Variants in CCNY observed in about 807,000 individuals in gnomAD.
CCNY encodes the protein cyclin Y.
Under a neutral mutation model 42.8 loss-of-function variants are expected in CCNY, and 19 were observed. That is an observed-to-expected ratio of 0.44 (90% confidence interval 0.31 to 0.65). CCNY has a LOEUF of 0.65. CCNY is among the 30% of genes least tolerant of loss of function. The probability of loss-of-function intolerance (pLI) is 0.07; values close to 1 mark genes in which losing one functional copy is unlikely to be tolerated. For missense variants in CCNY, 370 were observed against 437.3 expected, an observed-to-expected ratio of 0.85 and a Z score of 1.37; for synonymous variants, 165 against 162.7, an observed-to-expected ratio of 1.01 and a Z score of -0.11.
chr10:35,360,546 TG>T (rs1564381791), intron 1 of CCNY, among the ~76,000 whole-genome samples: 1 of 152,068 alleles, frequency 6.6e-6, no homozygotes, highest in Non-Finnish European at 1.5e-5. Context: ...CCTCCCAAAG[TG>T]CTGGGATTAC....
chr10:35,285,719 A>G (rs1835347394), intron 3 of CCNY, among the ~76,000 whole-genome samples: 3 of 152,288 alleles, frequency 2.0e-5, no homozygotes, highest in Admixed American at 6.5e-5. Context: ...GGCGTGAGCC[A>G]CCACGCCTGG....
Position 35,530,391 on chromosome 10 carries a change from C to A in CCNY, c.579+148C>A. 1.1e-6 allele frequency: 1 copy of A among 927,280 alleles called. No individual in the cohort carries two copies. Among genetic ancestry groups the A allele is most frequent in the Admixed American group, 2.5e-5 (1 of 39,798 alleles). 57.4% of individuals were successfully genotyped at this position (927,280 alleles called of 1,614,324 possible). On this transcript the variant is annotated intron_variant, in intron 7 of 9. Coordinates refer to ENST00000374704, the MANE Select transcript of CCNY (RefSeq NM_145012.6). This position sits in a 1 kb window ranked among gnomAD's most constrained non-coding sequence, Gnocchi z 4.3. ...GCATAAGCTTCAGTGTTGTCGTTCT[C>A]CTGGGAGAATAGAGGATAGATATCC...
chr10:35,377,812 G>A (rs1211737093), intron 1 of CCNY, among the ~76,000 whole-genome samples: 2 of 149,902 alleles, frequency 1.3e-5, no homozygotes, highest in East Asian at 1.9e-4. Context: ...AAAAAATTAA[G>A]TAAGAAGAGT....
At chr10:35,407,598 G>C (rs536503474) in intron 1 of CCNY, among the ~76,000 whole-genome samples, 1 of 152,162 alleles carries the variant, frequency 6.6e-6, no homozygotes. Flanking sequence ...TGGAACCACT[G>C]TCGAGTTTGT....
intron 3 of CCNY, among the ~76,000 whole-genome samples, chr10:35,312,502 G>A (rs1835699308): frequency 6.6e-6 from 1 of 151,812 alleles, no homozygotes; most frequent in Admixed American, 6.6e-5. Flanking sequence ...CCCAATTCAG[G>A]GCACCACATG....
chr10:35,426,520 CTT>C (rs1564406676), intron 1 of CCNY, among the ~76,000 whole-genome samples: 1 of 152,182 alleles, frequency 6.6e-6, no homozygotes, highest in Non-Finnish European at 1.5e-5. Context: ...AGGACAATGA[CTT>C]TGGGTGGCCA....
intron 3 of CCNY, among the ~76,000 whole-genome samples, chr10:35,274,900 T>G (rs895989516): frequency 3.3e-5 from 5 of 152,046 alleles, no homozygotes; most frequent in African/African-American, 7.2e-5. Flanking sequence ...TTAAGACTAC[T>G]GCAGTCTCCC....
At chr10:35,564,422 C>A (rs1358271636) in intron 8 of CCNY, among the ~76,000 whole-genome samples, 1 of 152,170 alleles carries the variant, frequency 6.6e-6, no homozygotes, top group African/African-American at 2.4e-5. Flanking sequence ...CACCCGCCTC[C>A]TTACTGTTCT....
chr10:35,499,807 T>C (rs1840075302), intron 2 of CCNY, among the ~76,000 whole-genome samples: 1 of 152,210 alleles, frequency 6.6e-6, no homozygotes, highest in Admixed American at 6.5e-5. Flanking sequence ...GTGGCCCATG[T>C]AGAAAGGGTT....
chr10:35,453,800 G>A (rs1838971652), intron 1 of CCNY, among the ~76,000 whole-genome samples: 1 of 151,980 alleles, frequency 6.6e-6, no homozygotes, highest in African/African-American at 2.4e-5. Context: ...ATGTTTTACT[G>A]CTATATACAT....
At chr10:35,509,267 T>C (rs1840273965) in intron 3 of CCNY, among the ~76,000 whole-genome samples, 1 of 152,122 alleles carries the variant, frequency 6.6e-6, no homozygotes, top group South Asian at 2.1e-4. Flanking sequence ...CTAAAAGCTG[T>C]ACCCTTTTTT....
At chr10:35,337,843 T>G (rs1414967356) in intron 1 of CCNY, among the ~76,000 whole-genome samples, 1 of 152,142 alleles carries the variant, frequency 6.6e-6, no homozygotes, top group Non-Finnish European at 1.5e-5. Context: ...AAGTCTCAGT[T>G]TTTGCATGGG....
chr10:35,551,852 A>G (rs1300365974), intron 7 of CCNY, among the ~76,000 whole-genome samples: 3 of 152,254 alleles, frequency 2.0e-5, no homozygotes, highest in Admixed American at 6.5e-5. Flanking sequence ...TAGGATGACT[A>G]TTACCAAAAC....
intron 1 of CCNY, among the ~76,000 whole-genome samples, chr10:35,408,279 G>A (rs1837826584): frequency 1.3e-5 from 2 of 152,200 alleles, no homozygotes; most frequent in African/African-American, 2.4e-5. Context: ...GCTGACCTGG[G>A]TCTTCGGCAC....
chr10:35,570,575 T>A lies in CCNY; in HGVS notation c.*1405T>A, dbSNP rs1273336154. The A allele has an allele frequency of 1.3e-5, 2 of 152,274 alleles. No homozygotes were observed. The highest frequency in any genetic ancestry group is 4.8e-5 in the African/African-American group (2 of 41,418). The allele number at this position is 152,274 out of a possible 1,614,324, so 9.4% of individuals were successfully genotyped here. A position where few individuals can be genotyped will look rare whatever the true frequency, so the allele number is the denominator to read the frequency against. On this transcript the variant is annotated 3_prime_UTR_variant, in exon 10 of 10. Coordinates refer to ENST00000374704, the MANE Select transcript of CCNY (RefSeq NM_145012.6). ...TCACTTGCATATGTAATGCTTTGGG[T>A]TTTTGCATATTTTCTTAGGTCACAG...
intron 1 of CCNY, among the ~76,000 whole-genome samples, chr10:35,343,240 T>C (rs1305705451): frequency 1.3e-5 from 2 of 151,906 alleles, no homozygotes; most frequent in Non-Finnish European, 2.9e-5. Flanking sequence ...CCACCCACCT[T>C]GGCCTCCCAA....
At chr10:35,350,876 G>A (rs1380647237) in intron 1 of CCNY, among the ~76,000 whole-genome samples, 2 of 152,198 alleles carry the variant, frequency 1.3e-5, no homozygotes, top group Non-Finnish European at 2.9e-5. Flanking sequence ...AAGCTCCAAA[G>A]AATGTCGTGA....
upstream of CCNY, among the ~76,000 whole-genome samples, chr10:35,335,066 A>G (rs952677295): frequency 2.0e-5 from 1 of 49,694 alleles, no homozygotes; most frequent in East Asian, 8.3e-4. Context: ...TCCCACCCCC[A>G]CCCCCCCACC....
intron 2 of CCNY, among the ~76,000 whole-genome samples, chr10:35,493,696 A>C (rs1274253704): frequency 6.6e-6 from 1 of 152,166 alleles, no homozygotes; most frequent in South Asian, 2.1e-4. Flanking sequence ...GGTGCATATG[A>C]TCCATTTCCA....
Sources: allele counts gnomAD v4.1 joint callset (sites outside exome capture counted in the v4.1 genomes callset), GRCh38; gene constraint gnomAD v4.1.1; non-coding constraint Gnocchi (gnomAD v3.1); transcripts MANE v1.5; gene names NCBI Gene and HGNC (gene_info 2026-07-23, HGNC 2026-07-21).